The following RABGAP1L variants were observed in gnomAD, a reference collection of about 807,000 sequenced individuals.
The protein encoded by RABGAP1L is RAB GTPase activating protein 1 like.
A neutral mutation model predicts 137.7 loss-of-function variants in RABGAP1L; 63 were observed. The observed-to-expected ratio is 0.46, with a 90% CI of 0.37 to 0.56. The LOEUF (loss-of-function observed/expected upper bound fraction) is 0.56. Among genes scored for constraint, RABGAP1L ranks in the 20% least tolerant of loss-of-function variants. The pLI, the probability that RABGAP1L is intolerant of heterozygous loss-of-function variation, is 0.00. For synonymous variants in RABGAP1L, 431 were observed against 433.7 expected (o/e 0.99, Z 0.08); for missense variants, 1,095 against 1,244.0 (o/e 0.88, Z 1.80).
chr1:174,312,659 C>T (rs185032688), intron 11 of RABGAP1L, among the ~76,000 whole-genome samples: 4 of 152,184 alleles, frequency 2.6e-5, no homozygotes, highest in Non-Finnish European at 5.9e-5. Context: ...TAGGGTATTA[C>T]CCATGAAATT....
intron 1 of RABGAP1L, among the ~76,000 whole-genome samples, chr1:174,179,021 A>G (rs961669347): frequency 6.6e-6 from 1 of 152,166 alleles, no homozygotes; most frequent in Non-Finnish European, 1.5e-5. Flanking sequence ...AAACAAAACA[A>G]AACAATCCCA....
At chr1:174,550,988 A>ATATATACATATG (rs1558334311) in intron 13 of RABGAP1L, among the ~76,000 whole-genome samples, 1,854 of 100,014 alleles carry the variant, frequency 0.019, 290 homozygotes, top group African/African-American at 0.11. Flanking sequence ...ATATACATAT[A>ATATATACATATG]TATATATACA....
chr1:174,836,430 T>C (rs1368943367), intron 19 of RABGAP1L, among the ~76,000 whole-genome samples: 1 of 152,236 alleles, frequency 6.6e-6, no homozygotes, highest in Non-Finnish European at 1.5e-5. Flanking sequence ...AGCACCCTCA[T>C]TGTAAAACAG....
At chr1:174,690,114 C>T (rs943371312) in intron 15 of RABGAP1L, among the ~76,000 whole-genome samples, 2 of 151,984 alleles carry the variant, frequency 1.3e-5, no homozygotes, top group Non-Finnish European at 2.9e-5. Flanking sequence ...TATTTAACTA[C>T]TATCTTATGT....
chr1:174,464,110 A>C (rs994343849), intron 13 of RABGAP1L, among the ~76,000 whole-genome samples: 1 of 152,178 alleles, frequency 6.6e-6, no homozygotes, highest in African/African-American at 2.4e-5. Context: ...GAAATATTTT[A>C]ATACAGATAC....
At chr1:174,462,633 C>T (rs897634296) in intron 13 of RABGAP1L, among the ~76,000 whole-genome samples, 9 of 152,068 alleles carry the variant, frequency 5.9e-5, no homozygotes, top group Admixed American at 2.0e-4. Flanking sequence ...ATCTCATCAC[C>T]GAGGTAGTGA....
At chr1:174,919,151 T>C (rs1661399792) in intron 19 of RABGAP1L, among the ~76,000 whole-genome samples, 1 of 152,046 alleles carries the variant, frequency 6.6e-6, no homozygotes, top group Admixed American at 6.5e-5. Flanking sequence ...TCCGAGTAGC[T>C]GGGATTACAG....
chr1:174,408,458 A>G lies in RABGAP1L; in HGVS notation c.1710+14313A>G, dbSNP rs766734050. Among the ~76,000 whole-genome samples the G allele has an allele frequency of 5.5e-4, 83 of 151,880 alleles. 1 individual carries two copies. Among genetic ancestry groups the G allele is most frequent in the Admixed American group, 6.6e-4 (10 of 15,232 alleles). ...ATATATACCACATTTTCTTTTTCCAACCCACTGTTGATGGGCACTTGTGTT... is the reference window on the plus strand; with the variant it reads ...ATATATACCACATTTTCTTTTTCCAGCCCACTGTTGATGGGCACTTGTGTT... On this transcript the variant is annotated intron_variant, in intron 13 of 25. Coordinates refer to ENST00000681986, the MANE Select transcript of RABGAP1L (RefSeq NM_001366446.1).
chr1:174,379,090 TA>T (rs1685869756), intron 12 of RABGAP1L, among the ~76,000 whole-genome samples: 2 of 143,068 alleles, frequency 1.4e-5, no homozygotes, highest in Admixed American at 1.4e-4. Context: ...AAAGATCAGA[TA>T]GTTGTAGATA....
chr1:174,854,984 C>T (rs1393037452), intron 19 of RABGAP1L, among the ~76,000 whole-genome samples: 4 of 151,730 alleles, frequency 2.6e-5, no homozygotes, highest in Admixed American at 2.0e-4. Flanking sequence ...GTGATCCACC[C>T]GCCTCGGCTT....
At chr1:174,892,433 G>C (rs986829671) in intron 19 of RABGAP1L, 9 of 419,654 alleles carry the variant, frequency 2.1e-5, no homozygotes, top group Middle Eastern at 8.2e-4. Context: ...ATATCAACAC[G>C]AAATTGTTCA....
At chr1:174,532,532 G>T (rs1664510948) in intron 13 of RABGAP1L, among the ~76,000 whole-genome samples, 1 of 152,070 alleles carries the variant, frequency 6.6e-6, no homozygotes, top group African/African-American at 2.4e-5. Flanking sequence ...AGATGAAATT[G>T]ATAAATATTG....
At chr1:174,641,429 G>T (rs1049527904) in intron 14 of RABGAP1L, among the ~76,000 whole-genome samples, 2 of 152,050 alleles carry the variant, frequency 1.3e-5, no homozygotes, top group African/African-American at 4.8e-5. Context: ...GAAAGTATTA[G>T]TAGAATTCAT....
intron 16 of RABGAP1L, among the ~76,000 whole-genome samples, chr1:174,700,150 A>G (rs1679542764): frequency 6.6e-6 from 1 of 152,220 alleles, no homozygotes; most frequent in Non-Finnish European, 1.5e-5. Context: ...TGTGCTTTAC[A>G]ATGCGTATTT....
intron 11 of RABGAP1L, among the ~76,000 whole-genome samples, chr1:174,338,702 A>G (rs1319366058): frequency 6.6e-6 from 1 of 151,864 alleles, no homozygotes; most frequent in Non-Finnish European, 1.5e-5. Context: ...CTATAAATAT[A>G]CTCTCATTTT....
intron 4 of RABGAP1L, among the ~76,000 whole-genome samples, chr1:174,241,075 C>T (rs1339819485): frequency 1.3e-5 from 2 of 152,124 alleles, no homozygotes; most frequent in Non-Finnish European, 2.9e-5. Context: ...AATCCTAGCA[C>T]TTTGGGAGGC....
intron 5 of RABGAP1L, among the ~76,000 whole-genome samples, chr1:174,246,512 T>A (rs1200506557): frequency 6.6e-6 from 1 of 152,212 alleles, no homozygotes; most frequent in African/African-American, 2.4e-5. Flanking sequence ...TTAAAATATT[T>A]GATAAAAATG....
At chr1:174,803,976 A>G (rs1385268783) in intron 18 of RABGAP1L, among the ~76,000 whole-genome samples, 3 of 152,116 alleles carry the variant, frequency 2.0e-5, no homozygotes, top group Non-Finnish European at 4.4e-5. Context: ...TGGGAGGCTG[A>G]GGCAGGAGAA....
At chr1:174,672,151 T>C (rs1419303665) in intron 14 of RABGAP1L, among the ~76,000 whole-genome samples, 1 of 152,150 alleles carries the variant, frequency 6.6e-6, no homozygotes, top group African/African-American at 2.4e-5. Context: ...TCCTTTAATT[T>C]CTGTAGTATC....
Sources: allele counts gnomAD v4.1 joint callset (sites outside exome capture counted in the v4.1 genomes callset), GRCh38; gene constraint gnomAD v4.1.1; transcripts MANE v1.5; gene names NCBI Gene and HGNC (gene_info 2026-07-23, HGNC 2026-07-21).